CSMD1: variants seen among roughly 807,000 people sequenced by gnomAD.
CSMD1 encodes CUB and sushi domain-containing protein 1.
In CSMD1, 213 loss-of-function variants were observed where a neutral mutation model predicts 417.5. The observed-to-expected ratio is 0.51, with a 90% CI of 0.46 to 0.57. CSMD1 has a LOEUF of 0.57. CSMD1 is among the 20% of genes least tolerant of loss of function. CSMD1 has a pLI of 0.00. For synonymous variants in CSMD1, 2,862 were observed against 1,736.8 expected, an observed-to-expected ratio of 1.65 and a Z score of -16.11; for missense variants, 6,923 against 4,529.7, an observed-to-expected ratio of 1.53 and a Z score of -15.17.
At position 3,016,443 on chromosome 8, in the gene CSMD1, G is replaced by A. The variant is rs139014446; in HGVS notation, c.8029+2034C>T. Reference sequence around the variant, plus strand: ...TTCTTGCTGAGTTTCACATGCTGTCGCCCCCCAGCAAAAGATGTCTTTGAT... The same window carrying A: ...TTCTTGCTGAGTTTCACATGCTGTCACCCCCCAGCAAAAGATGTCTTTGAT... On this transcript the variant is annotated intron_variant, in intron 52 of 69. Transcript: ENST00000635120. 4.9e-3 allele frequency among the ~76,000 whole-genome samples: 751 copies of A among 152,088 alleles called. 3 individuals are homozygous for A. The highest frequency in any genetic ancestry group is 5.9e-3 in the Non-Finnish European group (403 of 68,008).
chr8:3,614,806 C>A (rs147715796), intron 8 of CSMD1, among the ~76,000 whole-genome samples: 1 of 152,298 alleles, frequency 6.6e-6, no homozygotes, highest in African/African-American at 2.4e-5. Context: ...AGATAAGACA[C>A]TCTCCATTCT....
At chr8:4,343,146 G>A (rs898962273) in intron 3 of CSMD1, among the ~76,000 whole-genome samples, 1 of 152,134 alleles carries the variant, frequency 6.6e-6, no homozygotes. Flanking sequence ...GATGCCACAT[G>A]AAATGGGCAA....
At chr8:3,989,853 G>C (rs1365423121) in intron 5 of CSMD1, among the ~76,000 whole-genome samples, 2 of 152,186 alleles carry the variant, frequency 1.3e-5, no homozygotes, top group Non-Finnish European at 2.9e-5. Flanking sequence ...TTTTGGAGGA[G>C]TATAGGATTG....
intron 3 of CSMD1, among the ~76,000 whole-genome samples, chr8:4,236,615 T>C (rs1260481371): frequency 1.3e-5 from 2 of 152,168 alleles, no homozygotes; most frequent in South Asian, 2.1e-4. Flanking sequence ...GTTCTAAACC[T>C]ACCTCTTAAA....
intron 23 of CSMD1, among the ~76,000 whole-genome samples, chr8:3,316,668 G>A (rs184339553): frequency 1.3e-5 from 2 of 152,252 alleles, no homozygotes; most frequent in East Asian, 1.9e-4. Flanking sequence ...ATATGCTGAT[G>A]CTTCCTTTTA....
chr8:3,177,170 A>G (rs1252268789), intron 37 of CSMD1, among the ~76,000 whole-genome samples: 1 of 152,164 alleles, frequency 6.6e-6, no homozygotes, highest in Non-Finnish European at 1.5e-5. Context: ...GGCGACCAGA[A>G]AAGAATCATC....
chr8:3,807,796 G>C (rs1800830544), intron 5 of CSMD1, among the ~76,000 whole-genome samples: 2 of 152,078 alleles, frequency 1.3e-5, no homozygotes, highest in South Asian at 2.1e-4. Flanking sequence ...TTGTCATTCA[G>C]GCAGATGCAC....
rs1416233213 is a variant in CSMD1 at position 3,133,230 on chromosome 8, C to T, written c.6241+9235G>A. ...CTGGGCCTTCTTGGCTGCTGCTGTC[C>T]CAATGGGGCCCCTTCTTGGCTGCTG... On this transcript the variant is annotated intron_variant, in intron 41 of 69. Coordinates refer to ENST00000635120, the MANE Select transcript of CSMD1 (RefSeq NM_033225.6). Among the ~76,000 whole-genome samples, 12 of 152,002 alleles carry T rather than the reference C, an allele frequency of 7.9e-5. No homozygotes were observed. The East Asian group carries it at 1.7e-3, about 22-fold the overall frequency.
intron 47 of CSMD1, among the ~76,000 whole-genome samples, 153 bp from the exon 48 acceptor site, chr8:3,091,815 T>C (rs955850759): frequency 2.6e-5 from 4 of 152,292 alleles, no homozygotes; most frequent in Middle Eastern, 6.8e-3. Context: ...ATGGCTATAG[T>C]GACAGATATA....
chr8:3,140,771 T>C (rs1213895891), intron 41 of CSMD1, among the ~76,000 whole-genome samples: 1 of 152,088 alleles, frequency 6.6e-6, no homozygotes, highest in East Asian at 1.9e-4. Flanking sequence ...TTCAACCTCA[T>C]TTGATCTAGC....
chr8:4,848,040 G>A lies in CSMD1; in HGVS notation c.85+146292C>T, dbSNP rs6994240. Among the ~76,000 whole-genome samples the A allele has an allele frequency of 5.5e-3, 843 of 152,228 alleles. 5 individuals carry two copies. Among genetic ancestry groups the A allele is most frequent in the African/African-American group, 0.019 (799 of 41,538 alleles). On this transcript the variant is annotated intron_variant, in intron 1 of 69. Transcript: ENST00000635120. Reference sequence around the variant, plus strand: ...TTCTTTTGTCTCTGTAGATTTCCCTGTTGGGGACATTTCCTATGAATGGAG... The same window carrying A: ...TTCTTTTGTCTCTGTAGATTTCCCTATTGGGGACATTTCCTATGAATGGAG...
intron 26 of CSMD1, among the ~76,000 whole-genome samples, chr8:3,241,002 G>C (rs1452670249): frequency 1.3e-5 from 2 of 150,508 alleles, no homozygotes; most frequent in African/African-American, 4.9e-5. Context: ...TTAATGAGAT[G>C]ATAAGGGGTG....
intron 2 of CSMD1, among the ~76,000 whole-genome samples, chr8:4,520,576 G>T (rs1480986516): frequency 1.3e-5 from 2 of 152,032 alleles, no homozygotes; most frequent in East Asian, 1.9e-4. Flanking sequence ...TAATCAGAGT[G>T]GTTATGTCCT....
chr8:4,521,002 G>T (rs1803415012), intron 2 of CSMD1, among the ~76,000 whole-genome samples: 1 of 152,020 alleles, frequency 6.6e-6, no homozygotes, highest in Non-Finnish European at 1.5e-5. Flanking sequence ...TTATATTGCT[G>T]TTGCCCACTG....
intron 3 of CSMD1, among the ~76,000 whole-genome samples, chr8:4,035,125 T>C (rs561672145): frequency 6.6e-6 from 1 of 152,268 alleles, no homozygotes; most frequent in Admixed American, 6.5e-5. Context: ...AACAGCTCAA[T>C]GATACGACTC....
intron 3 of CSMD1, among the ~76,000 whole-genome samples, chr8:4,401,348 G>T (rs751342253): frequency 3.9e-5 from 6 of 152,082 alleles, no homozygotes; most frequent in Non-Finnish European, 7.4e-5. Flanking sequence ...AAACCCACAC[G>T]TATTGTTATT....
At chr8:4,419,905 G>T in intron 3 of CSMD1, 48 bp downstream of exon 3, 1 of 1,213,766 alleles carries the variant, frequency 8.2e-7, no homozygotes, top group Non-Finnish European at 1.2e-6. Context: ...GCATGTATTA[G>T]ATCATTTGGA....
chr8:4,792,767 T>C (rs867360327), intron 1 of CSMD1, among the ~76,000 whole-genome samples: 19 of 152,272 alleles, frequency 1.2e-4, no homozygotes, highest in African/African-American at 4.1e-4. Flanking sequence ...CGGGGTGTTT[T>C]GTCACTCAGT....
chr8:4,307,846 C>T (rs1416773727), intron 3 of CSMD1, among the ~76,000 whole-genome samples: 1 of 152,142 alleles, frequency 6.6e-6, no homozygotes, highest in South Asian at 2.1e-4. Context: ...TGTGGTGAAA[C>T]TCAACAGAAA....
Sources: allele counts gnomAD v4.1 joint callset (sites outside exome capture counted in the v4.1 genomes callset), GRCh38; gene constraint gnomAD v4.1.1; transcripts MANE v1.5; gene names NCBI Gene and HGNC (gene_info 2026-07-23, HGNC 2026-07-21).